TTC7A: variants seen among roughly 807,000 people sequenced by gnomAD.
TTC7A encodes the protein tetratricopeptide repeat protein 7A.
In TTC7A, 110 loss-of-function variants were observed where a neutral mutation model predicts 103.7. The observed-to-expected ratio is 1.06, with a 90% CI of 0.91 to 1.24. The LOEUF (loss-of-function observed/expected upper bound fraction) is 1.24. Among genes scored for constraint, TTC7A ranks in the 50% most tolerant of loss-of-function variants. TTC7A has a pLI of 0.00. For synonymous variants in TTC7A, 521 were observed against 467.9 expected (o/e 1.11, Z -1.47); for missense variants, 1,340 against 1,116.3 (o/e 1.20, Z -2.86).
At chr2:46,968,861 A>G (rs991334012) in intron 3 of TTC7A, among the ~76,000 whole-genome samples, 9 of 152,098 alleles carry the variant, frequency 5.9e-5, no homozygotes, top group African/African-American at 1.7e-4. Context: ...GAACATTTCT[A>G]TCACCACAGA....
At chr2:47,036,693 C>CA (rs1681142293) in intron 15 of TTC7A, among the ~76,000 whole-genome samples, 1 of 152,138 alleles carries the variant, frequency 6.6e-6, no homozygotes, top group African/African-American at 2.4e-5. Flanking sequence ...CTCGTCTGTA[C>CA]AAAAAATTTT....
chr2:46,939,104 C>T (rs957073455), upstream of TTC7A, among the ~76,000 whole-genome samples: 1 of 151,742 alleles, frequency 6.6e-6, no homozygotes, highest in Non-Finnish European at 1.5e-5. Flanking sequence ...AGCAAGATCC[C>T]GTCTCTACAA....
At position 47,021,932 on chromosome 2, in the gene TTC7A, AG is replaced by A; in HGVS notation, c.1466del (p.Gly489AlafsTer18). The A allele has an allele frequency of 6.2e-7, 1 of 1,614,112 alleles. No individual in the cohort carries two copies. Among genetic ancestry groups the A allele is most frequent in the Non-Finnish European group, 8.5e-7 (1 of 1,179,966 alleles). On this transcript the variant is annotated frameshift_variant, in exon 12 of 20. Transcript: ENST00000319190. LOFTEE classifies it high-confidence loss of function. ...LGEEAGEFLP[K>X]GYLALGLTYS... ...GAGGAAGCCGGGGAGTTCCTCCCCA[AG>A]GGCTACCTGGCTCTGGGTCTCACCT...
At chr2:47,023,617 G>C (rs1311501367) in intron 13 of TTC7A, 152 bp downstream of exon 13, 3 of 881,048 alleles carry the variant, frequency 3.4e-6, no homozygotes, top group Non-Finnish European at 1.7e-6. Flanking sequence ...GCAGGGATAG[G>C]CGTTGGGGAT....
rs202030720 is a variant in TTC7A at position 46,995,124 on chromosome 2, G to T, written c.1002-12G>T. 6.2e-7 allele frequency: 1 copy of T among 1,614,016 alleles called. No homozygotes were observed. Among genetic ancestry groups the T allele is most frequent in the South Asian group, 1.1e-5 (1 of 91,052 alleles). On this transcript the variant is annotated splice_polypyrimidine_tract_variant and intron_variant, in intron 7 of 19. Transcript: ENST00000319190. ...GTGTGCTCTAGCCAGGCCTGTCATT[G>T]GTGTCTTTCAGCCTCTACTGCCCCA...
At chr2:47,030,838 T>C (rs4952863) in intron 15 of TTC7A, among the ~76,000 whole-genome samples, 66,584 of 152,092 alleles carry the variant, frequency 0.44, 15,630 homozygotes, top group East Asian at 0.68. Context: ...GAGCCTTGCC[T>C]CAGCAGCATT....
chr2:46,994,574 C>T (rs1435091154), intron 7 of TTC7A, 60 bp downstream of exon 7: 1 of 1,557,366 alleles, frequency 6.4e-7, no homozygotes, highest in Non-Finnish European at 8.8e-7. Context: ...GGGTTCTGTC[C>T]CCACTGGTGG....
At chr2:47,052,077 G>A (rs1373999543) in intron 18 of TTC7A, among the ~76,000 whole-genome samples, 197 bp downstream of exon 18, 1 of 152,244 alleles carries the variant, frequency 6.6e-6, no homozygotes, top group Non-Finnish European at 1.5e-5. Context: ...GCCTGGGAGA[G>A]CTTCTCTGGC....
chr2:47,021,300 C>T (rs546733236), intron 11 of TTC7A, among the ~76,000 whole-genome samples: 24 of 152,224 alleles, frequency 1.6e-4, no homozygotes, highest in Non-Finnish European at 2.9e-4. Flanking sequence ...CCACCTTGTG[C>T]GTGCCCCTCT....
At chr2:47,068,453 A>C (rs1210069916) in intron 19 of TTC7A, 1 of 152,028 alleles carries the variant, frequency 6.6e-6, no homozygotes, top group African/African-American at 2.4e-5. Flanking sequence ...TCTGCTTGGC[A>C]GGAAAGTTCA....
intron 19 of TTC7A, 61 bp downstream of exon 19, chr2:47,061,032 G>C (rs187262972): frequency 6.7e-7 from 1 of 1,484,184 alleles, no homozygotes; most frequent in Admixed American, 2.0e-5. Flanking sequence ...CCCTTATCCC[G>C]CTTTGTCCCT....
At chr2:46,940,969 G>A (rs539393337), upstream of TTC7A, among the ~76,000 whole-genome samples, 1,116 of 152,274 alleles carry the variant, frequency 7.3e-3, 10 homozygotes, top group Middle Eastern at 0.024. The surrounding 1 kb of genome is among the most constrained non-coding windows in gnomAD (Gnocchi z 4.7). Context: ...GGGATGGGGA[G>A]GGGGCGGGAA....
intron 11 of TTC7A, among the ~76,000 whole-genome samples, chr2:47,020,570 G>T (rs1258473715): frequency 6.6e-6 from 1 of 152,250 alleles, no homozygotes; most frequent in Non-Finnish European, 1.5e-5. Context: ...GGCAGCTTGA[G>T]CTCGCCCACA....
intron 8 of TTC7A, among the ~76,000 whole-genome samples, chr2:47,001,818 C>G (rs1476321843): frequency 6.7e-6 from 1 of 149,830 alleles, no homozygotes; most frequent in Non-Finnish European, 1.5e-5. Context: ...GAGACCACAC[C>G]ACTGCTCTCC....
intron 14 of TTC7A, among the ~76,000 whole-genome samples, chr2:47,027,426 C>T (rs535049093): frequency 1.3e-5 from 2 of 152,350 alleles, no homozygotes; most frequent in South Asian, 2.1e-4. Context: ...CACCTGGGAG[C>T]GCCTGCTCTG....
chr2:47,067,289 A>C (rs1037455481), intron 19 of TTC7A, among the ~76,000 whole-genome samples: 2 of 152,248 alleles, frequency 1.3e-5, no homozygotes, highest in African/African-American at 4.8e-5. Flanking sequence ...GCTCAGGTGA[A>C]CTGAAAGCTG....
chr2:47,012,221 C>G (rs1026790059), intron 11 of TTC7A, among the ~76,000 whole-genome samples: 1 of 152,256 alleles, frequency 6.6e-6, no homozygotes, highest in African/African-American at 2.4e-5. Context: ...GTGCAGGTAT[C>G]TCTTCCGACT....
At chr2:47,050,293 C>G in intron 17 of TTC7A, 1 of 533,186 alleles carries the variant, frequency 1.9e-6, no homozygotes, top group South Asian at 2.3e-5. Flanking sequence ...GAAAGAGGAG[C>G]CTGGCTGAAA....
In TTC7A at chr2:46,993,459, G is replaced by A; in HGVS notation, c.774G>A (p.Val258=). Residue 258 remains valine, a synonymous_variant, in exon 6 of 20, where the codon GTG becomes GTA. Transcript: ENST00000319190. ...YVKNLKKGNI[V]KGMRELREVL... ...GCCGTCCTCCCACCAGGAACATCGT[G>A]AAGGGCATGAGAGAGCTCCGGGAGG... 1 of 1,614,208 alleles carries A rather than the reference G, an allele frequency of 6.2e-7. No homozygotes were observed. Among genetic ancestry groups the A allele is most frequent in the Non-Finnish European group, 8.5e-7 (1 of 1,180,020 alleles).
Sources: allele counts gnomAD v4.1 joint callset (sites outside exome capture counted in the v4.1 genomes callset), GRCh38; gene constraint gnomAD v4.1.1; non-coding constraint Gnocchi (gnomAD v3.1); transcripts MANE v1.5; gene names NCBI Gene and HGNC (gene_info 2026-07-23, HGNC 2026-07-21).